The following MEFV variants were observed in gnomAD, a reference collection of about 807,000 sequenced individuals.
MEFV encodes the protein pyrin.
Under a neutral mutation model 62.5 loss-of-function variants are expected in MEFV, and 60 were observed. The observed-to-expected ratio is 0.96, with a 90% CI of 0.78 to 1.19. The LOEUF (loss-of-function observed/expected upper bound fraction) is 1.19. Among genes scored for constraint, MEFV ranks in the 50% most tolerant of loss-of-function variants. MEFV has a pLI of 0.00. For synonymous variants in MEFV, 500 were observed against 415.2 expected, an observed-to-expected ratio of 1.20 and a Z score of -2.48; for missense variants, 1,169 against 1,004.5, an observed-to-expected ratio of 1.16 and a Z score of -2.21.
chr16:3,254,515 C>T lies in MEFV; in HGVS notation c.553G>A (p.Gly185Arg), dbSNP rs1266566289. The T allele has an allele frequency of 7.0e-6, 11 of 1,560,394 alleles. No individual in the cohort carries two copies. The highest frequency in any genetic ancestry group is 4.7e-5 in the East Asian group (2 of 42,714). ...PRTRSPALPG[G>R]RSPGPCRALE... Reference sequence around the variant, plus strand: ...GCCCTGCAGGGGCCGGGGCTTCTCCCGCCCGGCAGGGCCGGGCTCCGGGTC... The same window carrying T: ...GCCCTGCAGGGGCCGGGGCTTCTCCTGCCCGGCAGGGCCGGGCTCCGGGTC... The change falls in exon 2 of 10, where the codon GGG (glycine) becomes AGG (arginine). Residue 185 changes from glycine to arginine, a missense_variant. Coordinates refer to ENST00000219596, the MANE Select transcript of MEFV (RefSeq NM_000243.3).
Position 3,256,487 on chromosome 16 carries a change from T to G in MEFV, c.101A>C (p.Gln34Pro), listed in dbSNP as rs1959117792. The part of the protein sequence containing the change: ...FKFKLQNTSV[Q>P]KEHSRIPRSQ... ...CCGGGGGATCCTGGAGTGCTCCTTC[T>G]GCACACTGGTGTTCTGCAGCTTGAA... The change falls in exon 1 of 10, where the codon CAG (glutamine) becomes CCG (proline). Residue 34 changes from glutamine (Q) to proline (P), a missense_variant. Gln to Pro is a moderately conservative substitution (Grantham distance 76). Transcript: ENST00000219596. 4 of 1,614,116 alleles carry G rather than the reference T, an allele frequency of 2.5e-6. No individual in the cohort carries two copies. Among genetic ancestry groups the G allele is most frequent in the Non-Finnish European group, 3.4e-6 (4 of 1,180,060 alleles).
intron 5 of MEFV, 126 bp downstream of exon 5, chr16:3,246,890 C>G: frequency 1.1e-6 from 1 of 943,326 alleles, no homozygotes; most frequent in Non-Finnish European, 1.7e-6. Flanking sequence ...TCACCAAGAC[C>G]AAGTCCTATC....
intron 1 of MEFV, among the ~76,000 whole-genome samples, chr16:3,255,536 C>G (rs1959104495): frequency 6.6e-6 from 1 of 151,810 alleles, no homozygotes; most frequent in Admixed American, 6.6e-5. Flanking sequence ...TTTTCAATAG[C>G]TGAAAATACA....
rs192393953 is a variant in MEFV at position 3,248,986 on chromosome 16, G to T, written c.1279C>A (p.Leu427Met). Residue 427 changes from leucine to methionine, a missense_variant, in exon 4 of 10, where the codon CTG becomes ATG. Physicochemically the swap from Leu to Met is conservative, Grantham distance 15 (BLOSUM62 2). Coordinates refer to ENST00000219596, the MANE Select transcript of MEFV (RefSeq NM_000243.3). Reference sequence around the variant, plus strand: ...TTTCTCAGCTTCTTCAGATGCTCCAGCTGCTTCTGAATTTTCTTCTGGAAA... The same window carrying T: ...TTTCTCAGCTTCTTCAGATGCTCCATCTGCTTCTGAATTTTCTTCTGGAAA... ...LEHKKKIQKQ[L>M]EHLKKLRKSG... 4 of 1,614,180 alleles carry T rather than the reference G, an allele frequency of 2.5e-6. No homozygotes were observed. The East Asian group carries it at 8.9e-5, about 36-fold the overall frequency.
In MEFV at chr16:3,256,571, C is replaced by T. The variant is rs1399005998; in HGVS notation, c.17G>A (p.Ser6Asn). The T allele has an allele frequency of 1.9e-6, 3 of 1,614,060 alleles. No homozygotes were observed. The highest frequency in any genetic ancestry group is 2.7e-5 in the African/African-American group (2 of 74,916). MAKTP[S>N]DHLLSTLEEL... ...CTCCAGGGTGGACAGCAGATGGTCA[C>T]TAGGGGTCTTAGCCATGGTGCTGAG... Residue 6 changes from serine to asparagine, a missense_variant, in exon 1 of 10, where the codon AGT (serine) becomes AAT (asparagine). Ser to Asn is a conservative substitution (Grantham distance 46). Transcript: ENST00000219596.
At position 3,246,721 on chromosome 16, in the gene MEFV, C is replaced by T. The variant is rs571353178; in HGVS notation, c.1588-174G>A. Among the ~76,000 whole-genome samples the T allele has an allele frequency of 6.6e-5, 10 of 152,320 alleles. No homozygotes were observed. In the South Asian group the frequency reaches 1.9e-3, roughly 28 times the overall value. ...CTTTCTTCAAGTCTAATTCTAACCACGGGAATTCAGGCATCCCAGGTGGCG... is the reference window on the plus strand; with the variant it reads ...CTTTCTTCAAGTCTAATTCTAACCATGGGAATTCAGGCATCCCAGGTGGCG... On this transcript the variant is annotated intron_variant, in intron 5 of 9. Coordinates refer to ENST00000219596, the MANE Select transcript of MEFV (RefSeq NM_000243.3).
chr16:3,256,257 C>T (rs1959113225), intron 1 of MEFV, 54 bp downstream of exon 1: 1 of 1,594,320 alleles, frequency 6.3e-7, no homozygotes, highest in African/African-American at 1.3e-5. Flanking sequence ...TCCCCTTTCC[C>T]ACAAAGCAGC....
rs1319612887 is a variant in MEFV, at chr16:3,243,897, G to A, written c.1760-5C>T. 25 of 1,613,740 alleles carry A rather than the reference G, an allele frequency of 1.5e-5. No homozygotes were observed. The highest frequency in any genetic ancestry group is 1.6e-4 in the Middle Eastern group (1 of 6,084). Reference sequence around the variant, plus strand: ...GAGCGCCAATCAGCTCCGGAACTACGGAGAAAAATCAGATAGGGAAAAAAA... The same window carrying A: ...GAGCGCCAATCAGCTCCGGAACTACAGAGAAAAATCAGATAGGGAAAAAAA... On this transcript the variant is annotated splice_region_variant and splice_polypyrimidine_tract_variant and intron_variant, in intron 8 of 9. Transcript: ENST00000219596.
At position 3,243,070 on chromosome 16, in the gene MEFV, A is replaced by C. The variant is rs1958880199; in HGVS notation, c.*71T>G. The C allele has an allele frequency of 6.4e-7, 1 of 1,550,426 alleles. No individual in the cohort carries two copies. The highest frequency in any genetic ancestry group is 8.9e-7 in the Non-Finnish European group (1 of 1,125,124). On this transcript the variant is annotated 3_prime_UTR_variant, in exon 10 of 10. Coordinates refer to ENST00000219596, the MANE Select transcript of MEFV (RefSeq NM_000243.3). ...CCATAGCAGCTAGCACCTAGTCGGC[A>C]TTCCGTGACTATTGAGTGTGAATGC... is the stretch of plus-strand genomic sequence containing the variant.
intron 5 of MEFV, 137 bp downstream of exon 5, chr16:3,246,879 G>A: frequency 1.1e-6 from 1 of 877,704 alleles, no homozygotes. Context: ...GGCACTGTGG[G>A]TCACCAAGAC....
intron 2 of MEFV, among the ~76,000 whole-genome samples, chr16:3,253,715 T>C (rs752834380): frequency 1.3e-5 from 2 of 152,076 alleles, no homozygotes; most frequent in Non-Finnish European, 2.9e-5. Flanking sequence ...GGAGTCTGGC[T>C]ACGTTGCTCA....
rs769315005 is a variant in MEFV at position 3,254,224 on chromosome 16, TG to T, written c.843del (p.Thr282LeufsTer10). 1 of 1,614,264 alleles carries T rather than the reference TG, an allele frequency of 6.2e-7. No homozygotes were observed. The highest frequency in any genetic ancestry group is 1.1e-5 in the South Asian group (1 of 91,088). On this transcript the variant is annotated frameshift_variant, in exon 2 of 10. Coordinates refer to ENST00000219596, the MANE Select transcript of MEFV (RefSeq NM_000243.3). LOFTEE classifies it high-confidence loss of function. The stretch of plus-strand genomic sequence containing the variant: ...TCCGCAGATGCCCCTCCATCCGGAG[TG>T]GGCCTTGCCCGGGGTTCTGTTGCCG... Reference protein sequence around the residue: ...LDSATEPRARPTPDGGASADL... With the variant: ...LDSATEPRARXTPDGGASADL...
chr16:3,249,380 A>G (rs769395456), intron 3 of MEFV, 51 bp downstream of exon 3: 2 of 1,507,168 alleles, frequency 1.3e-6, no homozygotes, highest in East Asian at 4.5e-5. Flanking sequence ...AGTAAGGCCC[A>G]GTGTGTCCAA....
chr16:3,246,472 C>T, intron 6 of MEFV, 53 bp downstream of exon 6: 1 of 1,609,892 alleles, frequency 6.2e-7, no homozygotes, highest in Non-Finnish European at 8.5e-7. Context: ...GACTGTCTCC[C>T]CCATATGCTT....
intron 2 of MEFV, 26 bp downstream of exon 2, chr16:3,254,132 A>G (rs1195139816): frequency 6.2e-7 from 1 of 1,612,208 alleles, no homozygotes; most frequent in Non-Finnish European, 8.5e-7. Flanking sequence ...TGCAGCCGAT[A>G]TAAAGTAGGA....
rs1596349190 is a variant in MEFV, at chr16:3,242,301, T to A, written c.*840A>T. The A allele has an allele frequency of 1.0e-5, 1 of 100,284 alleles. No homozygotes were observed. Among genetic ancestry groups the A allele is most frequent in the Non-Finnish European group, 2.0e-5 (1 of 50,622 alleles). The allele number at this position is 100,284 out of a possible 1,614,324, so 6.2% of individuals were successfully genotyped here. On this transcript the variant is annotated 3_prime_UTR_variant, in exon 10 of 10. Coordinates refer to ENST00000219596, the MANE Select transcript of MEFV (RefSeq NM_000243.3). ...ATCTCTTGAACCTGGGAGGCGGAGG[T>A]TGCGAGCCAAGATTGCACCACTGCA...
rs1335042159 is a variant in MEFV at position 3,254,154 on chromosome 16, T to C, written c.910+4A>G. The C allele has an allele frequency of 6.2e-7, 1 of 1,613,924 alleles. No individual in the cohort carries two copies. Among genetic ancestry groups the C allele is most frequent in the East Asian group, 2.2e-5 (1 of 44,872 alleles). ...GATATAAAGTAGGAAAGAACACAAT[T>C]TACCGGTGACCGAATGTTCTGGATT... On this transcript the variant is annotated splice_donor_region_variant and intron_variant, in intron 2 of 9. Coordinates refer to ENST00000219596, the MANE Select transcript of MEFV (RefSeq NM_000243.3).
intron 4 of MEFV, 107 bp downstream of exon 4, chr16:3,248,802 G>A (rs1596354146): frequency 6.3e-7 from 1 of 1,598,132 alleles, no homozygotes; most frequent in African/African-American, 1.3e-5. Flanking sequence ...AGAGGAGGTG[G>A]CCATCCCTGC....
At position 3,247,148 on chromosome 16, in the gene MEFV, C is replaced by T. The variant is rs958054431; in HGVS notation, c.1455G>A (p.Glu485=). ...TCTGCCCAACCATCTGGCCCACGTCCTCCAGTGAGGCCACAAAGAAATGCT... is the reference window on the plus strand; with the variant it reads ...TCTGCCCAACCATCTGGCCCACGTCTTCCAGTGAGGCCACAAAGAAATGCT... The part of the protein sequence containing the change: ...QQEHFFVASL[E]DVGQMVGQIR... Residue 485 remains glutamate (E), a synonymous_variant, in exon 5 of 10, where the codon GAG becomes GAA. Transcript: ENST00000219596. 5.0e-6 allele frequency: 8 copies of T among 1,614,144 alleles called. No homozygotes were observed. In the East Asian group the frequency reaches 6.7e-5, roughly 13 times the overall value.
Sources: allele counts gnomAD v4.1 joint callset (sites outside exome capture counted in the v4.1 genomes callset), GRCh38; gene constraint gnomAD v4.1.1; transcripts MANE v1.5; gene names NCBI Gene and HGNC (gene_info 2026-07-23, HGNC 2026-07-21).